The following MYO7B variants were observed in gnomAD, a reference collection of about 807,000 sequenced individuals.
MYO7B encodes unconventional myosin-VIIb.
MYO7B carries 212 observed loss-of-function variants against 259.7 expected under a neutral mutation model. The observed-to-expected ratio is 0.82, with a 90% CI of 0.73 to 0.91. MYO7B has a LOEUF of 0.91. MYO7B is among the 40% of genes least tolerant of loss of function. The pLI is 0.00. For missense variants in MYO7B, 2,732 were observed against 2,813.5 expected (o/e 0.97, Z 0.66); for synonymous variants, 1,197 against 1,166.4 (o/e 1.03, Z -0.54).
At chr2:127,553,284 A>G (rs778778948) in intron 1 of MYO7B, among the ~76,000 whole-genome samples, 7 of 152,118 alleles carry the variant, frequency 4.6e-5, no homozygotes, top group Non-Finnish European at 8.8e-5. Context: ...TGTTTTTTCT[A>G]GTTCTGAGAA....
rs1277696252 is a variant in MYO7B at position 127,617,854 on chromosome 2, AGTTT to A, written c.3399-2485_3399-2482del. On this transcript the variant is annotated intron_variant, in intron 26 of 47. Coordinates refer to ENST00000409816, the MANE Select transcript of MYO7B (RefSeq NM_001393586.1). ...TTGGTTTTAGTTTTTTCTGGGCTTT[AGTTT>A]TTTTTTTTTTTGCTCCAGCAGACCT... Among the ~76,000 whole-genome samples the A allele has an allele frequency of 5.2e-5, 4 of 77,284 alleles. No individual in the cohort carries two copies. The East Asian group carries it at 9.6e-4, about 19-fold the overall frequency. The allele number at this position is 77,284 out of a possible 152,430, so 50.7% of individuals were successfully genotyped here. A position where few individuals can be genotyped will look rare whatever the true frequency, so the allele number is the denominator to read the frequency against.
Position 127,569,924 on chromosome 2 carries a change from T to A in MYO7B, c.592+14T>A. 1 of 1,605,720 alleles carries A rather than the reference T, an allele frequency of 6.2e-7. No homozygotes were observed. The highest frequency in any genetic ancestry group is 1.1e-5 in the South Asian group (1 of 89,922). ...CCATCCTGGAGGGTAAGCATCACTC[T>A]GGGACCCGCCCTTCTCCCCCAGCCC... On this transcript the variant is annotated intron_variant, in intron 6 of 47. Transcript: ENST00000409816.
At chr2:127,542,840 T>C (rs1204043227) in intron 1 of MYO7B, among the ~76,000 whole-genome samples, 1 of 152,130 alleles carries the variant, frequency 6.6e-6, no homozygotes, top group Non-Finnish European at 1.5e-5. Flanking sequence ...CAGGAAAACA[T>C]GTGAACAAAG....
chr2:127,635,626 C>T, intron 43 of MYO7B, 96 bp from the exon 44 acceptor site: 1 of 1,340,352 alleles, frequency 7.5e-7, no homozygotes. Context: ...ATGGAGTGGG[C>T]TAAGCCCCAG....
rs929192828 is a variant in MYO7B at position 127,627,600 on chromosome 2, G to C, written c.4460+290G>C. 1 of 539,108 alleles carries C rather than the reference G, an allele frequency of 1.9e-6. No homozygotes were observed. Among genetic ancestry groups the C allele is most frequent in the Non-Finnish European group, 3.5e-6 (1 of 281,708 alleles). The allele number at this position is 539,108 out of a possible 1,614,324, so 33.4% of individuals were successfully genotyped here. A position where few individuals can be genotyped will look rare whatever the true frequency, so the allele number is the denominator to read the frequency against. On this transcript the variant is annotated intron_variant, in intron 33 of 47. Transcript: ENST00000409816. The surrounding 1 kb of genome is among the most constrained non-coding windows in gnomAD (Gnocchi z 5.6). ...GCAGGGAAGCGTGCAGCCTCTGGCG[G>C]GCACTTATTTAGAAGGCTCCTTTCT...
In MYO7B at chr2:127,636,309, C is replaced by T; in HGVS notation, c.6108C>T (p.Ala2036=). The T allele has an allele frequency of 3.1e-6, 5 of 1,613,294 alleles. No individual in the cohort carries two copies. The South Asian group carries it at 3.3e-5, about 11-fold the overall frequency. The change falls in exon 45 of 48, where the codon GCC becomes GCT. Residue 2036 remains alanine (A), a synonymous_variant. Transcript: ENST00000409816. This position sits in a 1 kb window ranked among gnomAD's most constrained non-coding sequence, Gnocchi z 4.5. ...WICRWPTFGS[A]FFEVKQTSEP... The stretch of plus-strand genomic sequence containing the variant: ...GCCGGTGGCCCACCTTCGGATCCGC[C>T]TTCTTCGAGGTGAAGGTAAACCTTG...
intron 1 of MYO7B, among the ~76,000 whole-genome samples, chr2:127,549,168 CTTT>C (rs1693353332): frequency 4.7e-4 from 3 of 6,446 alleles, no homozygotes; most frequent in Non-Finnish European, 8.6e-4. Flanking sequence ...TCCTTCCTTT[CTTT>C]CTTTCTTTCT....
intron 18 of MYO7B, among the ~76,000 whole-genome samples, chr2:127,593,910 C>A (rs527611850): frequency 2.0e-5 from 3 of 152,290 alleles, no homozygotes; most frequent in Non-Finnish European, 2.9e-5. Context: ...TAGGGCAAGG[C>A]CTGAGGGTGC....
chr2:127,543,345 A>G (rs1693083701), intron 1 of MYO7B, among the ~76,000 whole-genome samples: 3 of 152,144 alleles, frequency 2.0e-5, no homozygotes, highest in African/African-American at 4.8e-5. Context: ...TTAACAAAGC[A>G]CATCCTGCAC....
chr2:127,636,397 T>C lies in MYO7B; in HGVS notation c.6123+73T>C. 6.7e-7 allele frequency: 1 copy of C among 1,489,608 alleles called. No homozygotes were observed. The highest frequency in any genetic ancestry group is 9.3e-7 in the Non-Finnish European group (1 of 1,072,774). 92.3% of individuals were successfully genotyped at this position (1,489,608 alleles called of 1,614,324 possible). On this transcript the variant is annotated intron_variant, in intron 45 of 47. Transcript: ENST00000409816. The surrounding 1 kb of genome is among the most constrained non-coding windows in gnomAD (Gnocchi z 4.5). ...CAGCCCAGCCCCAGCAGGCCCAGCG[T>C]CAACCAGCACACATCTTGGGTGGGG...
At position 127,559,739 on chromosome 2, in the gene MYO7B, T is replaced by C. The variant is rs1247984973; in HGVS notation, c.17T>C (p.Leu6Pro). Residue 6 changes from leucine to proline, a missense_variant and splice_region_variant, in exon 2 of 48, where the codon CTG becomes CCG. Transcript: ENST00000409816. The surrounding 1 kb of genome is among the most constrained non-coding windows in gnomAD (Gnocchi z 4.1). ...TGACTCAGGATGTCGGGGTTCAGGC[T>C]GGTAAGAATTGTATGATTTGATCTA... The part of the protein sequence containing the change: MSGFR[L>P]GDHVWLEPPS... The C allele has an allele frequency of 6.2e-7, 1 of 1,613,956 alleles. No homozygotes were observed. The highest frequency in any genetic ancestry group is 1.1e-5 in the South Asian group (1 of 91,082).
intron 18 of MYO7B, among the ~76,000 whole-genome samples, chr2:127,593,869 G>A (rs1679666006): frequency 6.6e-6 from 1 of 152,236 alleles, no homozygotes; most frequent in African/African-American, 2.4e-5. Context: ...CCCAGCCTGT[G>A]GAAGCCCAGG....
chr2:127,627,544 T>G lies in MYO7B; in HGVS notation c.4460+234T>G. 1 of 665,430 alleles carries G rather than the reference T, an allele frequency of 1.5e-6. No individual in the cohort carries two copies. The highest frequency in any genetic ancestry group is 2.7e-6 in the Non-Finnish European group (1 of 369,460). The allele number at this position is 665,430 out of a possible 1,614,324, so 41.2% of individuals were successfully genotyped here. On this transcript the variant is annotated intron_variant, in intron 33 of 47. Coordinates refer to ENST00000409816, the MANE Select transcript of MYO7B (RefSeq NM_001393586.1). This position sits in a 1 kb window ranked among gnomAD's most constrained non-coding sequence, Gnocchi z 5.6. ...GGCATCACGCGTTGCACTGGCAGCT[T>G]CTCTTTGAAACCCAGGTCCACCCGG...
rs201138206 is a variant in MYO7B at position 127,609,896 on chromosome 2, C to G, written c.3072C>G (p.Leu1024=). ...TCATCCTGAGGTTCATGGGTGATCT[C>G]CCAGAGCCAGTGCTGTATGCCAGGA... ...WNVILRFMGD[L]PEPVLYARSS... Residue 1024 remains leucine, a synonymous_variant, in exon 24 of 48, where the codon CTC becomes CTG. Coordinates refer to ENST00000409816, the MANE Select transcript of MYO7B (RefSeq NM_001393586.1). This position sits in a 1 kb window ranked among gnomAD's most constrained non-coding sequence, Gnocchi z 6.9. The G allele has an allele frequency of 6.2e-7, 1 of 1,611,710 alleles. No homozygotes were observed. The highest frequency in any genetic ancestry group is 1.3e-5 in the African/African-American group (1 of 74,888).
At chr2:127,575,256 C>T (rs1212422396) in intron 7 of MYO7B, among the ~76,000 whole-genome samples, 3 of 152,150 alleles carry the variant, frequency 2.0e-5, no homozygotes, top group East Asian at 1.9e-4. Context: ...CAGTTAAGTT[C>T]GGCCCCTTGT....
chr2:127,571,401 T>C (rs1387456917), intron 6 of MYO7B, among the ~76,000 whole-genome samples: 1 of 150,620 alleles, frequency 6.6e-6, no homozygotes, highest in African/African-American at 2.4e-5. Flanking sequence ...CTTTTGCCTA[T>C]TCTTTAATAT....
At chr2:127,633,718 A>T (rs1403408247) in intron 40 of MYO7B, among the ~76,000 whole-genome samples, 2 of 152,142 alleles carry the variant, frequency 1.3e-5, no homozygotes, top group Non-Finnish European at 2.9e-5. Flanking sequence ...TTGTGCACAG[A>T]GCCTGCCATG....
At chr2:127,573,097 G>A (rs146141386) in intron 6 of MYO7B, among the ~76,000 whole-genome samples, 2 of 152,230 alleles carry the variant, frequency 1.3e-5, no homozygotes, top group Non-Finnish European at 2.9e-5. Context: ...AGAGAGACAG[G>A]GTGCCGTGTT....
chr2:127,574,170 C>G, intron 7 of MYO7B, 108 bp downstream of exon 7: 1 of 1,396,416 alleles, frequency 7.2e-7, no homozygotes, highest in South Asian at 1.3e-5. Context: ...AAGGGCCCTC[C>G]CAGAACCCAC....
Sources: gnomAD v4.1 joint callset for allele counts (sites outside exome capture counted in the v4.1 genomes callset) on GRCh38, gnomAD v4.1.1 for gene constraint, Gnocchi (gnomAD v3.1) non-coding constraint, MANE v1.5 for transcripts, NCBI Gene and HGNC (gene_info 2026-07-23, HGNC 2026-07-21) for gene names.